Variants in ARSG observed in about 807,000 individuals in gnomAD.
ARSG encodes the protein arylsulfatase G, also known as ASG.
Under a neutral mutation model 50.5 loss-of-function variants are expected in ARSG, and 37 were observed. The ratio of observed to expected loss-of-function variants is 0.73; its 90% CI spans 0.56 to 0.96. The LOEUF is 0.96. Among genes scored for constraint, ARSG ranks in the 50% least tolerant of loss-of-function variants. The pLI is 0.00. For missense variants in ARSG, 629 were observed against 675.3 expected (o/e 0.93, Z 0.76); for synonymous variants, 225 against 254.6 (o/e 0.88, Z 1.11).
chr17:68,406,898 T>C (rs551542008), intron 11 of ARSG, among the ~76,000 whole-genome samples: 3 of 152,314 alleles, frequency 2.0e-5, no homozygotes, highest in Middle Eastern at 3.4e-3. Flanking sequence ...TTTATATTTG[T>C]TCTTATTGCA....
downstream of ARSG, among the ~76,000 whole-genome samples, chr17:68,422,983 C>T (rs74482586): frequency 0.018 from 2,717 of 152,198 alleles, 75 homozygotes; most frequent in African/African-American, 0.053. Context: ...CGTGATCCTA[C>T]GCAGGGAAGT....
intron 2 of ARSG, among the ~76,000 whole-genome samples, chr17:68,321,296 G>A (rs1227299522): frequency 1.3e-5 from 2 of 152,190 alleles, no homozygotes; most frequent in African/African-American, 2.4e-5. Flanking sequence ...AGCTTACAAA[G>A]GGCCTGCGTA....
chr17:68,311,784 A>G (rs1367846146), intron 2 of ARSG, among the ~76,000 whole-genome samples: 1 of 145,892 alleles, frequency 6.9e-6, no homozygotes, highest in Non-Finnish European at 1.5e-5. Context: ...TCAGACTTTT[A>G]GCCTCCTGTA....
the ARSG span, among the ~76,000 whole-genome samples, chr17:68,439,965 AGTCTTATGT>A: frequency 6.6e-6 from 1 of 152,226 alleles, no homozygotes; most frequent in Non-Finnish European, 1.5e-5. Context: ...TGTGCTTCAG[AGTCTTATGT>A]TAAAACATAA....
intron 9 of ARSG, among the ~76,000 whole-genome samples, chr17:68,393,298 T>A (rs762820277): frequency 6.6e-6 from 1 of 152,168 alleles, no homozygotes; most frequent in Non-Finnish European, 1.5e-5. Context: ...TGTGGTGAAG[T>A]CTGGCACCAT....
chr17:68,331,217 CTTTCTTTCTTTCTTTGTTTCTTTCTTT>C (rs2077739742), intron 2 of ARSG, among the ~76,000 whole-genome samples: 1 of 40,474 alleles, frequency 2.5e-5, no homozygotes, highest in African/African-American at 1.0e-4. Context: ...TTCTTTCTTT[CTTTCTTTCTTTCTTTGTTTCTTTCTTT>C]CTTTCTTTCT....
At chr17:68,396,192 T>C (rs1462952397) in intron 10 of ARSG, among the ~76,000 whole-genome samples, 1 of 152,066 alleles carries the variant, frequency 6.6e-6, no homozygotes, top group Non-Finnish European at 1.5e-5. Context: ...AATTTTTGTA[T>C]CTTTAGTATA....
chr17:68,299,094 A>G (rs1414846561), intron 1 of ARSG, among the ~76,000 whole-genome samples: 1 of 147,654 alleles, frequency 6.8e-6, no homozygotes, highest in African/African-American at 2.5e-5. Flanking sequence ...AGGGAAAAAA[A>G]TTGAACTTTT....
chr17:68,380,425 A>ATTAT lies in ARSG; in HGVS notation c.983-4619_983-4616dup, dbSNP rs550271013. 2.0e-3 allele frequency among the ~76,000 whole-genome samples: 306 copies of ATTAT among 151,678 alleles called. 1 individual carries two copies. The highest frequency in any genetic ancestry group is 6.3e-3 in the African/African-American group (260 of 41,316). On this transcript the variant is annotated intron_variant, in intron 8 of 11. Transcript: ENST00000621439. ...TAGCTGGGACTACCACACTTAGCTA[A>ATTAT]TTATTTATTTATTTATTTATTTAGT...
chr17:68,346,727 A>G (rs2146301045), intron 3 of ARSG: 1 of 1,260,072 alleles, frequency 7.9e-7, no homozygotes, highest in East Asian at 5.6e-5. Flanking sequence ...TTCTGAGACG[A>G]TGTGGGGCGG....
the ARSG span, among the ~76,000 whole-genome samples, chr17:68,434,973 G>T: frequency 4.6e-5 from 7 of 152,078 alleles, no homozygotes; most frequent in Non-Finnish European, 7.4e-5. Context: ...AGGCCAAGGC[G>T]GGTGGATTGC....
At chr17:68,414,921 T>G (rs1479854115) in intron 11 of ARSG, among the ~76,000 whole-genome samples, 1 of 152,232 alleles carries the variant, frequency 6.6e-6, no homozygotes, top group Non-Finnish European at 1.5e-5. Flanking sequence ...ATTTTCTCTC[T>G]TCTTTTCTTG....
At position 68,268,869 on chromosome 17, in the gene ARSG, T is replaced by G. The variant is rs1340198273; in HGVS notation, c.-552+9443T>G. The G allele has an allele frequency of 4.1e-6, 3 of 733,066 alleles. No individual in the cohort carries two copies. In the African/African-American group the frequency reaches 5.4e-5, roughly 13 times the overall value. The allele number at this position is 733,066 out of a possible 1,614,324, so 45.4% of individuals were successfully genotyped here. A position where few individuals can be genotyped will look rare whatever the true frequency, so the allele number is the denominator to read the frequency against. Reference sequence around the variant, plus strand: ...CCAGATTTATATATGGAAGAGTGCTTGGTTGTTTTTTGTTTTGGCTTTAAA... The same window carrying G: ...CCAGATTTATATATGGAAGAGTGCTGGGTTGTTTTTTGTTTTGGCTTTAAA... On this transcript the variant is annotated intron_variant, in intron 1 of 11. Transcript: ENST00000448504.
chr17:68,420,043 A>C, intron 11 of ARSG, 146 bp from the exon 12 acceptor site: 2 of 926,992 alleles, frequency 2.2e-6, no homozygotes, highest in Non-Finnish European at 3.2e-6. Context: ...TCTCAAGGTA[A>C]TATTTCTTTG....
chr17:68,349,455 G>T (rs1450070162), intron 4 of ARSG, among the ~76,000 whole-genome samples: 1 of 152,196 alleles, frequency 6.6e-6, no homozygotes, highest in Non-Finnish European at 1.5e-5. Flanking sequence ...CTTTCCGGCA[G>T]AAGTTTGCTC....
chr17:68,428,821 C>A, the ARSG span: 4 of 1,608,348 alleles, frequency 2.5e-6, no homozygotes, highest in Non-Finnish European at 3.4e-6. Flanking sequence ...GAAAAGCAGT[C>A]TCTTCACCTG....
At chr17:68,397,840 C>A (rs371297047) in intron 10 of ARSG, among the ~76,000 whole-genome samples, 1 of 152,150 alleles carries the variant, frequency 6.6e-6, no homozygotes, top group Admixed American at 6.5e-5. Flanking sequence ...AATCTTGGCT[C>A]ACTGCAACCT....
chr17:68,335,219 G>A (rs769449432), intron 2 of ARSG, among the ~76,000 whole-genome samples: 11 of 151,912 alleles, frequency 7.2e-5, no homozygotes, highest in Non-Finnish European at 1.3e-4. Flanking sequence ...GCTGGGTCTC[G>A]AACTCCTGGA....
the ARSG span, among the ~76,000 whole-genome samples, chr17:68,434,966 C>T: frequency 2.6e-5 from 4 of 152,192 alleles, no homozygotes; most frequent in South Asian, 8.3e-4. Flanking sequence ...CTTTGGGAGG[C>T]CAAGGCGGGT....
Sources: allele counts gnomAD v4.1 joint callset (sites outside exome capture counted in the v4.1 genomes callset), GRCh38; gene constraint gnomAD v4.1.1; transcripts MANE v1.5; gene names NCBI Gene and HGNC (gene_info 2026-07-23, HGNC 2026-07-21).